PEAK1: variants seen among roughly 807,000 people sequenced by gnomAD.
PEAK1 encodes the protein inactive tyrosine-protein kinase PEAK1.
In PEAK1, 54 loss-of-function variants were observed where a neutral mutation model predicts 124.7. The ratio of observed to expected loss-of-function variants is 0.43; its 90% confidence interval spans 0.35 to 0.54. The LOEUF (loss-of-function observed/expected upper bound fraction) is 0.54. Ranked by LOEUF, PEAK1 falls within the 20% of genes least tolerant of loss-of-function variation. The probability of loss-of-function intolerance (pLI) is 0.01; values close to 1 mark genes in which losing one functional copy is unlikely to be tolerated. For synonymous variants in PEAK1, 719 were observed against 760.0 expected (o/e 0.95, Z 0.89); for missense variants, 2,046 against 2,134.5 (o/e 0.96, Z 0.82).
At chr15:77,251,785 C>T (rs895421818) in intron 6 of PEAK1, among the ~76,000 whole-genome samples, 2 of 152,134 alleles carry the variant, frequency 1.3e-5, no homozygotes, top group African/African-American at 2.4e-5. Context: ...CAGAAGTTAC[C>T]GCCTCTTTCC....
intron 1 of PEAK1, among the ~76,000 whole-genome samples, chr15:77,414,564 G>C (rs1469605074): frequency 6.6e-6 from 1 of 151,964 alleles, no homozygotes; most frequent in East Asian, 1.9e-4. Flanking sequence ...AACATGGTTT[G>C]GACAAGAAAG....
intron 7 of PEAK1, among the ~76,000 whole-genome samples, chr15:77,159,996 C>T (rs2055487845): frequency 1.3e-5 from 2 of 152,042 alleles, no homozygotes; most frequent in Non-Finnish European, 1.5e-5. Flanking sequence ...GGATCTGGCT[C>T]TTGAGGACAG....
intron 6 of PEAK1, among the ~76,000 whole-genome samples, chr15:77,225,675 T>C (rs2059608866): frequency 7.4e-6 from 1 of 134,626 alleles, no homozygotes; most frequent in African/African-American, 2.8e-5. Flanking sequence ...TTTATATATA[T>C]ATATATATAT....
intron 1 of PEAK1, among the ~76,000 whole-genome samples, chr15:77,414,323 C>T (rs1411506363): frequency 2.0e-5 from 3 of 151,388 alleles, no homozygotes; most frequent in Non-Finnish European, 4.4e-5. Context: ...GATCCTCCCA[C>T]CTCAGCCTCC....
chr15:77,261,638 G>T (rs975310609), intron 5 of PEAK1, among the ~76,000 whole-genome samples: 29 of 152,200 alleles, frequency 1.9e-4, no homozygotes, highest in African/African-American at 7.0e-4. Context: ...TCTGATTGGT[G>T]TACCTGAAAG....
chr15:77,196,606 G>A (rs759305336), intron 6 of PEAK1, among the ~76,000 whole-genome samples: 6 of 152,040 alleles, frequency 3.9e-5, no homozygotes, highest in Non-Finnish European at 7.4e-5. Flanking sequence ...GGAGAAAAAA[G>A]GGTGTTGTGA....
At chr15:77,153,385 A>T (rs1405667482) in intron 8 of PEAK1, among the ~76,000 whole-genome samples, 1 of 151,382 alleles carries the variant, frequency 6.6e-6, no homozygotes, top group East Asian at 1.9e-4. Context: ...TCTCTTCTTT[A>T]TTAGTCTTGC....
At chr15:77,386,378 T>C (rs1339746228) in intron 1 of PEAK1, among the ~76,000 whole-genome samples, 6 of 152,220 alleles carry the variant, frequency 3.9e-5, no homozygotes, top group African/African-American at 1.4e-4. Context: ...TGAATTTTCA[T>C]AGATTTCTAG....
At chr15:77,255,151 T>C (rs560575517) in intron 5 of PEAK1, among the ~76,000 whole-genome samples, 3 of 152,308 alleles carry the variant, frequency 2.0e-5, no homozygotes, top group African/African-American at 4.8e-5. Context: ...TGTTTCTAAA[T>C]TATCAAAACA....
At chr15:77,401,350 T>C (rs1243110670) in intron 1 of PEAK1, among the ~76,000 whole-genome samples, 2 of 152,242 alleles carry the variant, frequency 1.3e-5, no homozygotes, top group Non-Finnish European at 2.9e-5. Flanking sequence ...TCCTGATAGA[T>C]GTCTAATTTG....
chr15:77,376,478 T>C (rs542675798), intron 1 of PEAK1, among the ~76,000 whole-genome samples: 1 of 152,286 alleles, frequency 6.6e-6, no homozygotes, highest in East Asian at 1.9e-4. Context: ...CCTCCTCATA[T>C]TGTGGCTAAG....
At chr15:77,161,178 G>C (rs1230143836) in intron 7 of PEAK1, among the ~76,000 whole-genome samples, 1 of 152,214 alleles carries the variant, frequency 6.6e-6, no homozygotes, top group Admixed American at 6.5e-5. Flanking sequence ...TCTCGAGTCT[G>C]TTAATCATGC....
intron 1 of PEAK1, chr15:77,402,885 C>G: frequency 1.0e-6 from 1 of 985,268 alleles, no homozygotes; most frequent in Non-Finnish European, 1.2e-6. Context: ...CTACAGATGA[C>G]TCAGTGAGTG....
At chr15:77,383,891 C>T (rs1046754709) in intron 1 of PEAK1, among the ~76,000 whole-genome samples, 4 of 152,166 alleles carry the variant, frequency 2.6e-5, no homozygotes, top group African/African-American at 9.7e-5. Context: ...AACTCAGTTA[C>T]TCTCTCTAGC....
intron 6 of PEAK1, among the ~76,000 whole-genome samples, chr15:77,203,715 A>AC (rs2058485988): frequency 6.6e-6 from 1 of 152,100 alleles, no homozygotes; most frequent in Admixed American, 6.5e-5. Flanking sequence ...ACATCCAAAA[A>AC]AAAAAAAAAA....
chr15:77,122,212 T>C (rs1349622646), intron 9 of PEAK1, among the ~76,000 whole-genome samples: 1 of 152,186 alleles, frequency 6.6e-6, no homozygotes, highest in Non-Finnish European at 1.5e-5. Context: ...AACTGTTGGG[T>C]AGGCCAGATA....
At chr15:77,166,187 G>A (rs1365866373) in intron 7 of PEAK1, among the ~76,000 whole-genome samples, 1 of 152,118 alleles carries the variant, frequency 6.6e-6, no homozygotes, top group Non-Finnish European at 1.5e-5. Flanking sequence ...TCTAGCTATA[G>A]AATGACTGTG....
At chr15:77,407,896 TATATACAC>T (rs2071969855) in intron 1 of PEAK1, among the ~76,000 whole-genome samples, 2 of 147,158 alleles carry the variant, frequency 1.4e-5, no homozygotes, top group East Asian at 2.0e-4. Flanking sequence ...TATATATATA[TATATACAC>T]ATATATATAC....
chr15:77,176,004 C>CA (rs2056841015), intron 7 of PEAK1, among the ~76,000 whole-genome samples: 1 of 148,766 alleles, frequency 6.7e-6, no homozygotes, highest in African/African-American at 2.5e-5. Flanking sequence ...ATCGCAAGGA[C>CA]AAAAAACCAA....
Sources: gnomAD v4.1 joint callset for allele counts (sites outside exome capture counted in the v4.1 genomes callset) on GRCh38, gnomAD v4.1.1 for gene constraint, MANE v1.5 for transcripts, NCBI Gene and HGNC (gene_info 2026-07-23, HGNC 2026-07-21) for gene names.